Variants in KRI1 observed in about 807,000 individuals in gnomAD.
The protein encoded by KRI1 is KRI1 homolog, also known as protein KRI1 homolog.
KRI1 carries 83 observed loss-of-function variants against 97.0 expected under a neutral mutation model. The ratio of observed to expected loss-of-function variants is 0.86; its 90% CI spans 0.72 to 1.03. The LOEUF (loss-of-function observed/expected upper bound fraction) is 1.03. Among genes scored for constraint, KRI1 ranks in the 50% least tolerant of loss-of-function variants. The probability of loss-of-function intolerance (pLI) is 0.00; values close to 1 mark genes in which losing one functional copy is unlikely to be tolerated. For synonymous variants in KRI1, 371 were observed against 363.5 expected (o/e 1.02, Z -0.23); for missense variants, 916 against 928.4 (o/e 0.99, Z 0.17).
At position 10,558,240 on chromosome 19, in the gene KRI1, C is replaced by G. The variant is rs1916581400; in HGVS notation, c.1195-1G>C. 6.2e-7 allele frequency: 1 copy of G among 1,613,974 alleles called. No homozygotes were observed. Among genetic ancestry groups the G allele is most frequent in the South Asian group, 1.1e-5 (1 of 91,088 alleles). On this transcript the variant is annotated splice_acceptor_variant, in intron 12 of 18. Transcript: ENST00000312962. LOFTEE classifies it high-confidence loss of function. ...CGTAGTACTCGTCCCCAAAGCACTT[C>G]TGCAGGGTCAGGGCTGGCGGTTACC...
At chr19:10,565,166 C>T in intron 2 of KRI1, 132 bp from the exon 3 acceptor site, 1 of 673,950 alleles carries the variant, frequency 1.5e-6, no homozygotes, top group Admixed American at 2.6e-5. Context: ...AACAGGTGGT[C>T]AAACAGCAGG....
At chr19:10,560,052 A>C in intron 9 of KRI1, 116 bp from the exon 10 acceptor site, 1 of 1,322,324 alleles carries the variant, frequency 7.6e-7, no homozygotes, top group Non-Finnish European at 1.0e-6. Flanking sequence ...AGAACCCTAC[A>C]AGGTGCACGC....
intron 12 of KRI1, 150 bp from the exon 13 acceptor site, chr19:10,558,389 G>C (rs556769747): frequency 4.3e-6 from 3 of 691,316 alleles, no homozygotes; most frequent in Non-Finnish European, 7.6e-6. Context: ...CCTGAGGTGG[G>C]AGGCCCTGCA....
chr19:10,565,792 T>G lies in KRI1; in HGVS notation c.95-2A>C. On this transcript the variant is annotated splice_acceptor_variant, in intron 1 of 18. Coordinates refer to ENST00000312962, the MANE Select transcript of KRI1 (RefSeq NM_023008.5). LOFTEE classifies it high-confidence loss of function. ...CTCGGTCCCCGTAGCGATCCTTCAC[T>G]GCGGGACACAGACGGGATGCCCCCC... The G allele has an allele frequency of 6.4e-7, 1 of 1,561,938 alleles. No homozygotes were observed. Among genetic ancestry groups the G allele is most frequent in the Non-Finnish European group, 8.6e-7 (1 of 1,156,224 alleles).
rs764539550 is a variant in KRI1, at chr19:10,559,389, G to C, written c.1164C>G (p.Phe388Leu). 2 of 1,613,964 alleles carry C rather than the reference G, an allele frequency of 1.2e-6. No homozygotes were observed. The highest frequency in any genetic ancestry group is 1.3e-5 in the African/African-American group (1 of 74,898). Residue 388 changes from phenylalanine (F) to leucine (L), a missense_variant, in exon 12 of 19, where the codon TTC (phenylalanine) becomes TTG (leucine). Physicochemically the swap from Phe to Leu is conservative, Grantham distance 22. Around this residue, in one of 3 missense-constraint regions of KRI1, gnomAD observed 672 missense variants for 667.2 expected, o/e 1.01. Transcript: ENST00000312962. ...GLEEGDLEDD[F>L]DPAQHDQLMQ... ...TGAGCTGGTCGTGCTGGGCAGGGTCGAAGTCGTCTTCAAGGTCCCCCTCCT... is the reference window on the plus strand; with the variant it reads ...TGAGCTGGTCGTGCTGGGCAGGGTCCAAGTCGTCTTCAAGGTCCCCCTCCT...
At chr19:10,555,015 T>C (rs10419405) in intron 18 of KRI1, 72 bp downstream of exon 18, 847,833 of 1,254,002 alleles carry the variant, frequency 0.68, 291,987 homozygotes, top group East Asian at 0.97. Flanking sequence ...CAACAAGAGG[T>C]TGACGGAGCC....
intron 16 of KRI1, among the ~76,000 whole-genome samples, chr19:10,556,122 G>A (rs566354793): frequency 1.3e-5 from 2 of 152,236 alleles, no homozygotes; most frequent in East Asian, 3.9e-4. Flanking sequence ...ACCCAGGCTG[G>A]AGTGCAGTGG....
At chr19:10,560,048 C>A in intron 9 of KRI1, 112 bp from the exon 10 acceptor site, 1 of 1,347,830 alleles carries the variant, frequency 7.4e-7, no homozygotes, top group Non-Finnish European at 1.0e-6. Flanking sequence ...CACAAGAACC[C>A]TACAAGGTGC....
intron 12 of KRI1, 100 bp downstream of exon 12, chr19:10,559,259 C>A: frequency 7.5e-7 from 1 of 1,330,814 alleles, no homozygotes; most frequent in Non-Finnish European, 1.0e-6. Flanking sequence ...CCTGCCTTAG[C>A]CTCCCAAAGT....
At chr19:10,564,849 T>C (rs1306251958) in intron 3 of KRI1, 80 bp downstream of exon 3, 1 of 892,426 alleles carries the variant, frequency 1.1e-6, no homozygotes, top group Non-Finnish European at 1.9e-6. Context: ...GTCAAGTCAC[T>C]TCTCTGAATC....
At chr19:10,561,639 T>C (rs1161739686) in intron 6 of KRI1, 28 bp downstream of exon 6, 10 of 1,612,666 alleles carry the variant, frequency 6.2e-6, no homozygotes, top group Non-Finnish European at 7.6e-6. Flanking sequence ...TTTCCTCCAT[T>C]GGGCCATTCC....
chr19:10,558,468 A>G (rs1916589426), intron 12 of KRI1, among the ~76,000 whole-genome samples: 1 of 151,834 alleles, frequency 6.6e-6, no homozygotes, highest in Admixed American at 6.6e-5. Flanking sequence ...TCAGTTCCAC[A>G]TATCCACAGT....
intron 3 of KRI1, among the ~76,000 whole-genome samples, chr19:10,563,939 T>A (rs1916775477): frequency 6.7e-6 from 1 of 150,296 alleles, no homozygotes; most frequent in Admixed American, 6.7e-5. Context: ...AGGTCAGGAG[T>A]TCGAGACCAG....
At position 10,564,974 on chromosome 19, in the gene KRI1, CCTT is replaced by C. The variant is rs755986296; in HGVS notation, c.226_228del (p.Lys76del). 7 of 1,613,762 alleles carry C rather than the reference CCTT, an allele frequency of 4.3e-6. No homozygotes were observed. The highest frequency in any genetic ancestry group is 4.0e-5 in the African/African-American group (3 of 74,904). On this transcript the variant is annotated inframe_deletion, in exon 3 of 19. Coordinates refer to ENST00000312962, the MANE Select transcript of KRI1 (RefSeq NM_023008.5). Reference sequence around the variant, plus strand: ...GCATCTTTCTGATAAATGCGGGGGTCCTTCTTCTTCAACAAGGAGAGCGTTTTG... The same window carrying C: ...GCATCTTTCTGATAAATGCGGGGGTCCTTCTTCAACAAGGAGAGCGTTTTG...
In KRI1 at chr19:10,558,016, C is replaced by T. The variant is rs1396935657; in HGVS notation, c.1315G>A (p.Asp439Asn). The T allele has an allele frequency of 6.2e-7, 1 of 1,613,988 alleles. No homozygotes were observed. The highest frequency in any genetic ancestry group is 8.5e-7 in the Non-Finnish European group (1 of 1,180,020). Residue 439 changes from aspartate (D) to asparagine (N), a missense_variant, in exon 14 of 19, where the codon GAC becomes AAC. By Grantham distance (23) the Asp-to-Asn change is conservative. Around this residue, in one of 3 missense-constraint regions of KRI1, gnomAD observed 672 missense variants for 667.2 expected, o/e 1.01. Transcript: ENST00000312962. ...CAGTGCAGCTCCTGCTGGCTCCAGTCTCCCTCCTGCTCAGGCCCGTCCCAC... is the reference window on the plus strand; with the variant it reads ...CAGTGCAGCTCCTGCTGGCTCCAGTTTCCCTCCTGCTCAGGCCCGTCCCAC... The part of the protein sequence containing the change: ...DTWDGPEQEG[D>N]WSQQELHCED...
At chr19:10,554,592 C>T (rs1184324510) in intron 18 of KRI1, among the ~76,000 whole-genome samples, 1 of 152,112 alleles carries the variant, frequency 6.6e-6, no homozygotes, top group Non-Finnish European at 1.5e-5. Flanking sequence ...GTCGCCCAGG[C>T]TGGAGTGCAG....
chr19:10,560,279 A>T (rs962948015), intron 9 of KRI1, 33 bp downstream of exon 9: 1 of 1,561,746 alleles, frequency 6.4e-7, no homozygotes, highest in East Asian at 2.3e-5. Flanking sequence ...AGCGCACCCA[A>T]AATCTAGGTC....
rs373366565 is a variant in KRI1, at chr19:10,559,431, G to A, written c.1122C>T (p.Asn374=). Residue 374 remains asparagine, a synonymous_variant, in exon 12 of 19, where the codon AAC becomes AAT. Transcript: ENST00000312962. ...KLEKLRKVTG[N]EMLGLEEGDL... ...CCCCCTCCTCGAGGCCCAGCATCTC[G>A]TTGCCTGTTACTTTCCGCAGCTTCT... 62 of 1,613,992 alleles carry A rather than the reference G, an allele frequency of 3.8e-5. No individual in the cohort carries two copies. The highest frequency in any genetic ancestry group is 2.9e-4 in the East Asian group (13 of 44,886).
At position 10,559,802 on chromosome 19, in the gene KRI1, C is replaced by A. The variant is rs1375422290; in HGVS notation, c.927+8G>T. 1 of 1,613,778 alleles carries A rather than the reference C, an allele frequency of 6.2e-7. No homozygotes were observed. Among genetic ancestry groups the A allele is most frequent in the Non-Finnish European group, 8.5e-7 (1 of 1,179,918 alleles). On this transcript the variant is annotated splice_region_variant and intron_variant, in intron 10 of 18. Coordinates refer to ENST00000312962, the MANE Select transcript of KRI1 (RefSeq NM_023008.5). ...GGGGCTGAGTCCTCCCCAGCCCCAG[C>A]CACACACCGATGCTGAGTCCGGCTC...
Sources: gnomAD v4.1 joint callset for allele counts (sites outside exome capture counted in the v4.1 genomes callset) on GRCh38, gnomAD v4.1.1 for gene constraint, gnomAD v4.1.1 regional missense constraint, MANE v1.5 for transcripts, NCBI Gene and HGNC (gene_info 2026-07-23, HGNC 2026-07-21) for gene names.